The following COL5A1 variants were observed in gnomAD, a reference collection of about 807,000 sequenced individuals.
COL5A1 encodes collagen alpha-1(V) chain.
A neutral mutation model predicts 263.7 loss-of-function variants in COL5A1; 16 were observed. The ratio of observed to expected loss-of-function variants is 0.06; its 90% CI spans 0.04 to 0.09. The LOEUF (loss-of-function observed/expected upper bound fraction) is 0.09. COL5A1 is among the 10% of genes least tolerant of loss of function. The pLI, the probability that COL5A1 is intolerant of heterozygous loss-of-function variation, is 1.00. For missense variants in COL5A1, 2,036 were observed against 2,540.5 expected (o/e 0.80, Z 4.27); for synonymous variants, 1,012 against 1,004.5 (o/e 1.01, Z -0.14).
At chr9:134,654,879 G>T (rs1172608225) in intron 1 of COL5A1, among the ~76,000 whole-genome samples, 5 of 130,534 alleles carry the variant, frequency 3.8e-5, no homozygotes, top group South Asian at 2.7e-4. Flanking sequence ...TAGGGCTGGG[G>T]GTGTGTAGGG....
At chr9:134,735,079 G>C (rs1212674819) in intron 9 of COL5A1, among the ~76,000 whole-genome samples, 1 of 152,016 alleles carries the variant, frequency 6.6e-6, no homozygotes, top group Non-Finnish European at 1.5e-5. Context: ...CAGGTGTGGT[G>C]GTGGGCACTT....
chr9:134,659,108 T>C (rs1474658842), intron 1 of COL5A1, among the ~76,000 whole-genome samples: 2 of 152,180 alleles, frequency 1.3e-5, no homozygotes, highest in African/African-American at 4.8e-5. Flanking sequence ...AAAATAGCCT[T>C]TGAGGCCGGG....
intron 11 of COL5A1, among the ~76,000 whole-genome samples, chr9:134,744,622 C>T (rs747423021): frequency 1.3e-5 from 2 of 152,024 alleles, no homozygotes; most frequent in Non-Finnish European, 1.5e-5. Context: ...CACACACACT[C>T]ATGCACACAC....
Position 134,768,390 on chromosome 9 carries a change from G to C in COL5A1, c.2233-20G>C. ...AGCCTAGGGAGGGCATCTCCTCATG[G>C]AGTCTCTGGTTTGTTCTAGGGTCCC... On this transcript the variant is annotated intron_variant, in intron 24 of 65. Transcript: ENST00000371817. The C allele has an allele frequency of 6.2e-7, 1 of 1,612,796 alleles. No individual in the cohort carries two copies. Among genetic ancestry groups the C allele is most frequent in the Non-Finnish European group, 8.5e-7 (1 of 1,178,808 alleles).
intron 11 of COL5A1, among the ~76,000 whole-genome samples, chr9:134,748,266 C>T (rs1413787269): frequency 2.0e-5 from 3 of 152,086 alleles, no homozygotes; most frequent in East Asian, 3.8e-4. Flanking sequence ...CACATGCACA[C>T]ACATGCCTTT....
Position 134,842,213 on chromosome 9 carries a change from G to A in COL5A1, c.5427G>A (p.Gln1809=). 1 of 1,614,232 alleles carries A rather than the reference G, an allele frequency of 6.2e-7. No homozygotes were observed. Among genetic ancestry groups the A allele is most frequent in the Non-Finnish European group, 8.5e-7 (1 of 1,180,040 alleles). The change falls in exon 66 of 66, where the codon CAG becomes CAA. Residue 1809 remains glutamine (Q), a synonymous_variant. Transcript: ENST00000371817. This position sits in a 1 kb window ranked among gnomAD's most constrained non-coding sequence, Gnocchi z 5.8. ...AGATCGACACCCCCAAAGTGGAGCA[G>A]GTGCCCATCGTGGACATCATGTTCA... The part of the protein sequence containing the change: ...VLEIDTPKVE[Q]VPIVDIMFND...
rs1564183625 is a variant in COL5A1, at chr9:134,829,970, GT to G, written c.5068-3del. ...CTCCCTCCCCACCTCCCCGCTGCAT[GT>G]TTAGGCCAGAATCACTTCTTGGCCC... On this transcript the variant is annotated splice_polypyrimidine_tract_variant and splice_region_variant and intron_variant, in intron 63 of 65. Transcript: ENST00000371817. 6.2e-7 allele frequency: 1 copy of G among 1,612,960 alleles called. No homozygotes were observed. Among genetic ancestry groups the G allele is most frequent in the African/African-American group, 1.3e-5 (1 of 75,018 alleles).
intron 64 of COL5A1, among the ~76,000 whole-genome samples, chr9:134,834,663 C>T (rs536066124): frequency 6.6e-6 from 1 of 152,290 alleles, no homozygotes; most frequent in South Asian, 2.1e-4. Context: ...GCAGGAGCAT[C>T]TATTCTGGGT....
At chr9:134,760,446 CAT>C (rs1836332319) in intron 18 of COL5A1, among the ~76,000 whole-genome samples, 1 of 98,100 alleles carries the variant, frequency 1.0e-5, no homozygotes, top group African/African-American at 5.6e-5. Context: ...CACACACATG[CAT>C]ACACACCCAC....
At chr9:134,658,894 G>A (rs1428833221) in intron 1 of COL5A1, among the ~76,000 whole-genome samples, 1 of 152,222 alleles carries the variant, frequency 6.6e-6, no homozygotes, top group African/African-American at 2.4e-5. Context: ...TGAGACATAC[G>A]AGGGAGGGGT....
intron 18 of COL5A1, among the ~76,000 whole-genome samples, chr9:134,759,736 A>ACACATG (rs1554794120): frequency 1.8e-5 from 1 of 54,570 alleles, no homozygotes; most frequent in African/African-American, 1.0e-4. Context: ...ACACTCATAC[A>ACACATG]CACACACCAC....
rs1233887542 is a variant in COL5A1, at chr9:134,642,141, G to A, written c.-47G>A. 2.4e-6 allele frequency: 3 copies of A among 1,236,504 alleles called. No homozygotes were observed. The African/African-American group carries it at 4.7e-5, about 19-fold the overall frequency. 76.6% of individuals were successfully genotyped at this position (1,236,504 alleles called of 1,614,324 possible). On this transcript the variant is annotated 5_prime_UTR_variant, in exon 1 of 66. Transcript: ENST00000371817. The surrounding 1 kb of genome is among the most constrained non-coding windows in gnomAD (Gnocchi z 4.5). ...GTGACCCGCGCCCCTGTGCGTCCCC[G>A]CGCGCCTCCGAGCGCCCCTGTGCGC... is the stretch of plus-strand genomic sequence containing the variant.
chr9:134,656,811 C>T (rs547506492), intron 1 of COL5A1, among the ~76,000 whole-genome samples: 16 of 150,098 alleles, frequency 1.1e-4, no homozygotes, highest in African/African-American at 3.9e-4. Flanking sequence ...GCTTCAGGCC[C>T]AGCCAGGGAC....
chr9:134,772,949 A>C, intron 26 of COL5A1, 115 bp downstream of exon 26: 1 of 1,110,448 alleles, frequency 9.0e-7, no homozygotes, highest in Non-Finnish European at 1.4e-6. Flanking sequence ...AGCCGGGGAC[A>C]CTCAGCCCTT....
In COL5A1 at chr9:134,824,618, A is replaced by C; in HGVS notation, c.4717A>C (p.Ile1573Leu). 1 of 1,614,094 alleles carries C rather than the reference A, an allele frequency of 6.2e-7. No homozygotes were observed. Among genetic ancestry groups the C allele is most frequent in the Non-Finnish European group, 8.5e-7 (1 of 1,180,020 alleles). ...PGPPGPPGEV[I>L]QPLPIQASRT... ...CCCCCAGGGCCCCCCGGGAGAGGTC[A>C]TCCAGCCCCTGCCAATCCAGGCATC... Residue 1573 changes from isoleucine to leucine, a missense_variant, in exon 62 of 66, where the codon ATC becomes CTC. Physicochemically the swap from Ile to Leu is conservative, Grantham distance 5. Around this residue, in one of 3 missense-constraint regions of COL5A1, gnomAD observed 358 missense variants for 384.6 expected, o/e 0.93. Transcript: ENST00000371817.
chr9:134,673,702 T>C (rs924134976), intron 1 of COL5A1, among the ~76,000 whole-genome samples: 1 of 152,166 alleles, frequency 6.6e-6, no homozygotes, highest in African/African-American at 2.4e-5. Flanking sequence ...CATTAAAAGA[T>C]TAAAAAGCTG....
chr9:134,770,419 A>T (rs1464977113), intron 25 of COL5A1, among the ~76,000 whole-genome samples: 1 of 152,186 alleles, frequency 6.6e-6, no homozygotes, highest in Admixed American at 6.5e-5. Context: ...CTGGTATCAC[A>T]CGCTGGGGAA....
In COL5A1 at chr9:134,686,775, G is replaced by A. The variant is rs911565190; in HGVS notation, c.110-4137G>A. ...TGGACAAGAGGTATTCCCTGGGCAA[G>A]CGAGGCTGTGCAGGATGCCTGACCC... is the stretch of plus-strand genomic sequence containing the variant. On this transcript the variant is annotated intron_variant, in intron 1 of 65. Transcript: ENST00000371817. This position sits in a 1 kb window ranked among gnomAD's most constrained non-coding sequence, Gnocchi z 4.6. Among the ~76,000 whole-genome samples, 2 of 152,180 alleles carry A rather than the reference G, an allele frequency of 1.3e-5. No homozygotes were observed. Among genetic ancestry groups the A allele is most frequent in the Non-Finnish European group, 2.9e-5 (2 of 68,022 alleles).
At chr9:134,787,116 T>A (rs1837489235) in intron 31 of COL5A1, among the ~76,000 whole-genome samples, 1 of 152,242 alleles carries the variant, frequency 6.6e-6, no homozygotes, top group African/African-American at 2.4e-5. Context: ...GCATCGTCAC[T>A]GAATGTGGTC....
Sources: allele counts gnomAD v4.1 joint callset (sites outside exome capture counted in the v4.1 genomes callset), GRCh38; gene constraint gnomAD v4.1.1; regional missense constraint gnomAD v4.1.1; non-coding constraint Gnocchi (gnomAD v3.1); transcripts MANE v1.5; gene names NCBI Gene and HGNC (gene_info 2026-07-23, HGNC 2026-07-21).